DAPK2: variants seen among roughly 807,000 people sequenced by gnomAD.
DAPK2 encodes the protein death-associated protein kinase 2.
Under a neutral mutation model 44.1 loss-of-function variants are expected in DAPK2, and 35 were observed. The observed-to-expected ratio is 0.79, with a 90% CI of 0.61 to 1.05. The LOEUF is 1.05. Among genes scored for constraint, DAPK2 ranks in the 50% least tolerant of loss-of-function variants. The pLI is 0.00. For missense variants in DAPK2, 453 were observed against 483.2 expected, an observed-to-expected ratio of 0.94 and a Z score of 0.59; for synonymous variants, 174 against 182.6, an observed-to-expected ratio of 0.95 and a Z score of 0.38.
intron 2 of DAPK2, among the ~76,000 whole-genome samples, chr15:63,975,871 G>A (rs574464547): frequency 6.6e-6 from 1 of 152,324 alleles, no homozygotes; most frequent in East Asian, 1.9e-4. Context: ...TGGGATTACA[G>A]GTGTGAGCCA....
chr15:63,957,744 T>C (rs550057930), intron 3 of DAPK2, among the ~76,000 whole-genome samples: 20 of 152,248 alleles, frequency 1.3e-4, no homozygotes, highest in Non-Finnish European at 1.9e-4. Context: ...ATTTTCTTAA[T>C]CCATTCTATC....
intron 1 of DAPK2, among the ~76,000 whole-genome samples, chr15:64,038,906 T>C (rs573310213): frequency 1.3e-5 from 2 of 152,278 alleles, no homozygotes; most frequent in African/African-American, 4.8e-5. Context: ...CTGAGATAAA[T>C]GCATATCTGA....
intron 1 of DAPK2, among the ~76,000 whole-genome samples, chr15:64,016,342 A>AG (rs1370426561): frequency 6.6e-6 from 1 of 152,270 alleles, no homozygotes; most frequent in Non-Finnish European, 1.5e-5. Flanking sequence ...GAGGCAGTGT[A>AG]GTTCAGTGGA....
At chr15:64,035,323 T>C (rs442682) in intron 1 of DAPK2, among the ~76,000 whole-genome samples, 148,705 of 152,304 alleles carry the variant, frequency 0.98, 72,690 homozygotes, top group East Asian at 1. Flanking sequence ...ACTGGGCCTA[T>C]CTACTAGCAC....
chr15:64,034,684 T>C (rs568004752), intron 1 of DAPK2, among the ~76,000 whole-genome samples: 1 of 152,274 alleles, frequency 6.6e-6, no homozygotes, highest in African/African-American at 2.4e-5. Context: ...ACCAGCACGG[T>C]AGTCGGTAGT....
intron 1 of DAPK2, among the ~76,000 whole-genome samples, chr15:64,037,040 GTCT>G (rs774005952): frequency 3.3e-5 from 5 of 152,172 alleles, no homozygotes; most frequent in Non-Finnish European, 5.9e-5. Flanking sequence ...TACTATTTCT[GTCT>G]TACAGGTAAA....
intron 1 of DAPK2, among the ~76,000 whole-genome samples, chr15:64,005,028 C>T (rs749239364): frequency 6.6e-6 from 1 of 152,158 alleles, no homozygotes; most frequent in South Asian, 2.1e-4. Flanking sequence ...GGTGACTAGC[C>T]GAGAGACCCC....
At chr15:64,005,819 A>C (rs1295236430) in intron 1 of DAPK2, among the ~76,000 whole-genome samples, 1 of 152,178 alleles carries the variant, frequency 6.6e-6, no homozygotes, top group African/African-American at 2.4e-5. Context: ...ACTGGAGACC[A>C]GGAGTTCAGG....
At chr15:63,936,402 G>T (rs891363040) in intron 4 of DAPK2, among the ~76,000 whole-genome samples, 3 of 152,182 alleles carry the variant, frequency 2.0e-5, no homozygotes, top group African/African-American at 7.2e-5. Context: ...CTTGAGGTCA[G>T]GAGTTCGAGA....
At chr15:63,992,217 TAAAG>T (rs2078840025) in intron 1 of DAPK2, among the ~76,000 whole-genome samples, 1 of 152,152 alleles carries the variant, frequency 6.6e-6, no homozygotes, top group South Asian at 2.1e-4. Flanking sequence ...CTTGGCTACG[TAAAG>T]AAAGATTTTC....
intron 1 of DAPK2, among the ~76,000 whole-genome samples, chr15:64,002,795 A>G (rs1246188410): frequency 6.6e-6 from 1 of 152,228 alleles, no homozygotes; most frequent in Non-Finnish European, 1.5e-5. Flanking sequence ...AAACTCACTG[A>G]TATCTCATCT....
chr15:63,983,293 C>T (rs1216855270), intron 2 of DAPK2, among the ~76,000 whole-genome samples: 1 of 152,224 alleles, frequency 6.6e-6, no homozygotes, highest in East Asian at 1.9e-4. Flanking sequence ...AGGCCATTGC[C>T]CTCTGCCCCT....
chr15:63,969,703 T>G (rs1369474797), intron 3 of DAPK2, among the ~76,000 whole-genome samples: 1 of 151,010 alleles, frequency 6.6e-6, no homozygotes, highest in Non-Finnish European at 1.5e-5. Flanking sequence ...ATCACACCAC[T>G]GTGTTCCAGT....
rs1476147876 is a variant in DAPK2, at chr15:64,046,242, C to T, written c.-7+56G>A. The T allele has an allele frequency of 1.5e-5, 12 of 782,544 alleles. No individual in the cohort carries two copies. The highest frequency in any genetic ancestry group is 1.2e-4 in the South Asian group (2 of 17,244). The allele number at this position is 782,544 out of a possible 1,614,324, so 48.5% of individuals were successfully genotyped here. ...CCAGCCCCAGACCCGGGCGCTGCTGCCGTCAGGCCGCGCGCCCCGTCCCGC... is the reference window on the plus strand; with the variant it reads ...CCAGCCCCAGACCCGGGCGCTGCTGTCGTCAGGCCGCGCGCCCCGTCCCGC... On this transcript the variant is annotated intron_variant, in intron 1 of 11. Coordinates refer to the DAPK2 transcript ENST00000457488. This position sits in a 1 kb window ranked among gnomAD's most constrained non-coding sequence, Gnocchi z 5.3.
intron 1 of DAPK2, among the ~76,000 whole-genome samples, chr15:63,984,528 C>G (rs1173740292): frequency 6.6e-6 from 1 of 152,128 alleles, no homozygotes; most frequent in Non-Finnish European, 1.5e-5. Flanking sequence ...GCCCTCCCCA[C>G]AGGGAAGGGC....
In DAPK2 at chr15:63,912,291, C is replaced by T. The variant is rs575948137; in HGVS notation, c.859-94G>A. 6.9e-6 allele frequency: 9 copies of T among 1,302,960 alleles called. No individual in the cohort carries two copies. The highest frequency in any genetic ancestry group is 3.6e-5 in the Admixed American group (2 of 55,064). The allele number at this position is 1,302,960 out of a possible 1,614,324, so 80.7% of individuals were successfully genotyped here. A position where few individuals can be genotyped will look rare whatever the true frequency, so the allele number is the denominator to read the frequency against. On this transcript the variant is annotated intron_variant, in intron 8 of 10. Coordinates refer to ENST00000261891, the Ensembl canonical transcript of DAPK2. The surrounding 1 kb of genome is among the most constrained non-coding windows in gnomAD (Gnocchi z 4.4). ...AACTCCCCACCCACCGCATGCCCAC[C>T]GCCCTTGGCTTGACCCTGGCATCTC...
intron 7 of DAPK2, among the ~76,000 whole-genome samples, chr15:63,925,677 C>CGCGA (rs1207656973): frequency 8.2e-6 from 1 of 121,888 alleles, no homozygotes; most frequent in Non-Finnish European, 1.7e-5. Flanking sequence ...TGACTTGTAG[C>CGCGA]GCACACACAC....
chr15:64,003,948 A>G (rs1314297117), intron 1 of DAPK2, among the ~76,000 whole-genome samples: 2 of 152,168 alleles, frequency 1.3e-5, no homozygotes, highest in Non-Finnish European at 2.9e-5. Flanking sequence ...AATGTCATCA[A>G]TATCCATTTG....
At chr15:63,920,619 C>A (rs1411798724) in intron 8 of DAPK2, 1 of 152,286 alleles carries the variant, frequency 6.6e-6, no homozygotes, top group East Asian at 1.9e-4. Context: ...AGACAGGATT[C>A]TGAAGAAATG....
Sources: allele counts gnomAD v4.1 joint callset (sites outside exome capture counted in the v4.1 genomes callset), GRCh38; gene constraint gnomAD v4.1.1; non-coding constraint Gnocchi (gnomAD v3.1); transcripts MANE v1.5; gene names NCBI Gene and HGNC (gene_info 2026-07-23, HGNC 2026-07-21).